SHROOM3: variants seen among roughly 807,000 people sequenced by gnomAD.
The protein encoded by SHROOM3 is protein Shroom3.
SHROOM3 carries 47 observed loss-of-function variants against 138.6 expected under a neutral mutation model. The ratio of observed to expected loss-of-function variants is 0.34; its 90% CI spans 0.27 to 0.43. SHROOM3 has a LOEUF of 0.43. Ranked by LOEUF, SHROOM3 falls within the 20% of genes least tolerant of loss-of-function variation. SHROOM3 has a pLI of 1.00. For missense variants in SHROOM3, 2,491 were observed against 2,596.5 expected, an observed-to-expected ratio of 0.96 and a Z score of 0.88; for synonymous variants, 1,062 against 1,063.3, an observed-to-expected ratio of 1.00 and a Z score of 0.02.
At chr4:76,619,419 T>G (rs1359492334) in intron 2 of SHROOM3, among the ~76,000 whole-genome samples, 3 of 152,166 alleles carry the variant, frequency 2.0e-5, no homozygotes, top group Non-Finnish European at 4.4e-5. Context: ...GAGAGCAGCC[T>G]GCTCTTAAAG....
intron 3 of SHROOM3, among the ~76,000 whole-genome samples, chr4:76,711,275 A>G (rs1720221087): frequency 6.6e-6 from 1 of 152,168 alleles, no homozygotes; most frequent in African/African-American, 2.4e-5. Context: ...AAGTTTAATA[A>G]CTGATCCGCC....
intron 2 of SHROOM3, among the ~76,000 whole-genome samples, chr4:76,675,434 A>G (rs1288768661): frequency 6.6e-6 from 1 of 152,220 alleles, no homozygotes; most frequent in African/African-American, 2.4e-5. Context: ...AAAACTCCAA[A>G]GGAATGTTTA....
chr4:76,623,988 A>G (rs958093667), intron 2 of SHROOM3, among the ~76,000 whole-genome samples: 8 of 152,152 alleles, frequency 5.3e-5, no homozygotes, highest in Non-Finnish European at 8.8e-5. Flanking sequence ...TTTAACCACT[A>G]TCATGTTTGT....
intron 1 of SHROOM3, among the ~76,000 whole-genome samples, chr4:76,511,933 G>T (rs1360807605): frequency 6.6e-6 from 1 of 152,130 alleles, no homozygotes; most frequent in Non-Finnish European, 1.5e-5. Flanking sequence ...ATCTAAAGAA[G>T]GTTGTTCTGA....
At chr4:76,630,157 C>T (rs7695340) in intron 2 of SHROOM3, among the ~76,000 whole-genome samples, 99,765 of 152,042 alleles carry the variant, frequency 0.66, 33,376 homozygotes, top group East Asian at 0.94. Flanking sequence ...TTTCATACCA[C>T]GTACAGCTTG....
chr4:76,667,910 G>A (rs1300692509), intron 2 of SHROOM3, among the ~76,000 whole-genome samples: 1 of 137,792 alleles, frequency 7.3e-6, no homozygotes, highest in Non-Finnish European at 1.5e-5. Flanking sequence ...GGAGGTTGCA[G>A]TGAGCCAAGG....
intron 1 of SHROOM3, among the ~76,000 whole-genome samples, chr4:76,502,664 C>G (rs927969408): frequency 6.6e-6 from 1 of 152,184 alleles, no homozygotes; most frequent in African/African-American, 2.4e-5. Flanking sequence ...TTGGTTTTAC[C>G]TATATCCTTA....
intron 1 of SHROOM3, among the ~76,000 whole-genome samples, chr4:76,451,144 T>G (rs1730918143): frequency 6.6e-6 from 1 of 152,162 alleles, no homozygotes; most frequent in Non-Finnish European, 1.5e-5. Flanking sequence ...AAGATGGGGC[T>G]TCGCCATGTT....
chr4:76,725,539 A>G (rs1282395330), intron 3 of SHROOM3, among the ~76,000 whole-genome samples: 7 of 152,360 alleles, frequency 4.6e-5, no homozygotes, highest in Admixed American at 3.3e-4. Flanking sequence ...GTGATGAGAT[A>G]AGGATAATTA....
chr4:76,457,645 C>G (rs934204360), intron 1 of SHROOM3, among the ~76,000 whole-genome samples: 2 of 151,920 alleles, frequency 1.3e-5, no homozygotes, highest in African/African-American at 4.8e-5. Context: ...GCACGCACCA[C>G]CACGCCCAGC....
chr4:76,504,265 TCTC>T (rs1732159570), intron 1 of SHROOM3, among the ~76,000 whole-genome samples: 1 of 152,058 alleles, frequency 6.6e-6, no homozygotes, highest in South Asian at 2.1e-4. Context: ...TACAAGCAAT[TCTC>T]CTGTCTCAGC....
chr4:76,758,210 A>G (rs1000999744), intron 8 of SHROOM3: 3 of 152,178 alleles, frequency 2.0e-5, no homozygotes, highest in Admixed American at 6.5e-5. Context: ...AGCACCTACA[A>G]TGTGCAAGGC....
chr4:76,436,597 CTGAA>C (rs1305035798), intron 1 of SHROOM3, among the ~76,000 whole-genome samples: 5 of 152,174 alleles, frequency 3.3e-5, no homozygotes, highest in Non-Finnish European at 5.9e-5. Flanking sequence ...CTCTCTTCAA[CTGAA>C]AATAGCATCT....
chr4:76,510,957 G>C (rs1732321748), intron 1 of SHROOM3, among the ~76,000 whole-genome samples: 2 of 152,092 alleles, frequency 1.3e-5, no homozygotes, highest in South Asian at 4.1e-4. Context: ...GAGGCAGGTG[G>C]ATCACCTGAG....
chr4:76,574,189 C>T (rs535489711), intron 2 of SHROOM3, among the ~76,000 whole-genome samples: 1 of 152,302 alleles, frequency 6.6e-6, no homozygotes, highest in East Asian at 1.9e-4. Context: ...TCTCACTCTT[C>T]TCTGTGCTTC....
chr4:76,779,003 T>A lies in SHROOM3; in HGVS notation c.5817T>A (p.Asp1939Glu). 1 of 1,614,176 alleles carries A rather than the reference T, an allele frequency of 6.2e-7. No homozygotes were observed. Among genetic ancestry groups the A allele is most frequent in the Non-Finnish European group, 8.5e-7 (1 of 1,180,028 alleles). Residue 1939 changes from aspartate to glutamate, a missense_variant, in exon 11 of 11, where the codon GAT (aspartate) becomes GAA (glutamate). Transcript: ENST00000296043. ...TCCTCATTGAGCAACGGAAGCTGGA[T>A]GACAAGATCAAGCTGGGCCAGGAGC... ...STLLIEQRKLDDKIKLGQEQV... is the reference protein window; with the variant it reads ...STLLIEQRKLEDKIKLGQEQV...
At chr4:76,460,449 T>G (rs943452224) in intron 1 of SHROOM3, among the ~76,000 whole-genome samples, 1 of 152,194 alleles carries the variant, frequency 6.6e-6, no homozygotes, top group African/African-American at 2.4e-5. Flanking sequence ...TATTACATCT[T>G]TACACCATCG....
At chr4:76,558,624 C>T (rs924031079) in intron 2 of SHROOM3, among the ~76,000 whole-genome samples, 1 of 152,154 alleles carries the variant, frequency 6.6e-6, no homozygotes, top group African/African-American at 2.4e-5. Context: ...TGTTAATTCA[C>T]AGTATCCAAA....
At chr4:76,544,156 T>C (rs1733162521) in intron 1 of SHROOM3, among the ~76,000 whole-genome samples, 1 of 152,206 alleles carries the variant, frequency 6.6e-6, no homozygotes, top group Non-Finnish European at 1.5e-5. Flanking sequence ...TAGCCCTTAT[T>C]ATCTGCAAAC....
Sources: gnomAD v4.1 joint callset for allele counts (sites outside exome capture counted in the v4.1 genomes callset) on GRCh38, gnomAD v4.1.1 for gene constraint, MANE v1.5 for transcripts, NCBI Gene and HGNC (gene_info 2026-07-23, HGNC 2026-07-21) for gene names.